Variants in GRM8 observed in about 807,000 individuals in gnomAD.
GRM8 encodes the protein metabotropic glutamate receptor 8.
In GRM8, 47 loss-of-function variants were observed where a neutral mutation model predicts 87.2. The observed-to-expected ratio is 0.54, with a 90% confidence interval of 0.43 to 0.69. GRM8 has a LOEUF of 0.69. GRM8 is among the 30% of genes least tolerant of loss of function. GRM8 has a pLI of 0.00. For synonymous variants in GRM8, 396 were observed against 404.5 expected, an observed-to-expected ratio of 0.98 and a Z score of 0.25; for missense variants, 1,019 against 1,139.2, an observed-to-expected ratio of 0.89 and a Z score of 1.52.
At chr7:126,749,934 C>CTT in intron 7 of GRM8, among the ~76,000 whole-genome samples, 1 of 152,292 alleles carries the variant, frequency 6.6e-6, no homozygotes, top group South Asian at 2.1e-4. Context: ...GTTTGTCAGT[C>CTT]TCTCGTACAG....
chr7:127,208,744 T>C (rs17866447), intron 2 of GRM8, among the ~76,000 whole-genome samples: 1 of 152,192 alleles, frequency 6.6e-6, no homozygotes, highest in Non-Finnish European at 1.5e-5. Context: ...CTCTAACCAC[T>C]TGATTCGGTA....
intron 8 of GRM8, among the ~76,000 whole-genome samples, chr7:126,563,199 G>A (rs987136140): frequency 1.3e-5 from 2 of 151,680 alleles, no homozygotes; most frequent in Non-Finnish European, 2.9e-5. Context: ...GGTGATTTAC[G>A]GCATCAACAG....
chr7:126,472,108 A>G (rs1422198070), intron 9 of GRM8, among the ~76,000 whole-genome samples: 1 of 152,164 alleles, frequency 6.6e-6, no homozygotes, highest in African/African-American at 2.4e-5. Context: ...GGGGTTTTCT[A>G]GATATACAAT....
chr7:126,765,168 C>T (rs1285810899), intron 7 of GRM8, among the ~76,000 whole-genome samples: 1 of 151,880 alleles, frequency 6.6e-6, no homozygotes, highest in Non-Finnish European at 1.5e-5. Flanking sequence ...ATAGCTAAAC[C>T]CTGGAAATGG....
chr7:127,108,773 T>C (rs1826056842), intron 2 of GRM8, among the ~76,000 whole-genome samples: 1 of 152,160 alleles, frequency 6.6e-6, no homozygotes. Context: ...AAAATAAAAG[T>C]GCAGATAGAA....
chr7:126,714,275 C>T (rs570272351), intron 7 of GRM8, among the ~76,000 whole-genome samples: 269 of 113,892 alleles, frequency 2.4e-3, no homozygotes, highest in Non-Finnish European at 3.7e-3. Context: ...AAGACTCCAT[C>T]TCAAATAATA....
chr7:126,559,580 T>G (rs750983728), intron 8 of GRM8, among the ~76,000 whole-genome samples: 4 of 152,204 alleles, frequency 2.6e-5, no homozygotes, highest in African/African-American at 4.8e-5. Flanking sequence ...AATTCTTGAA[T>G]AGATCACATT....
At chr7:126,782,065 T>C (rs1176865031) in intron 6 of GRM8, among the ~76,000 whole-genome samples, 4 of 152,198 alleles carry the variant, frequency 2.6e-5, no homozygotes, top group Admixed American at 2.6e-4. Context: ...ATAAAATCAA[T>C]GTAGTTGGTC....
At chr7:127,062,756 A>G (rs185576177) in intron 3 of GRM8, among the ~76,000 whole-genome samples, 206 of 152,248 alleles carry the variant, frequency 1.4e-3, no homozygotes, top group African/African-American at 4.7e-3. Context: ...GTAATTGTCC[A>G]GAAATTTATC....
intron 6 of GRM8, among the ~76,000 whole-genome samples, chr7:126,815,292 A>G (rs1335014751): frequency 1.3e-5 from 2 of 152,164 alleles, no homozygotes; most frequent in East Asian, 1.9e-4. Context: ...TGACTCAAAT[A>G]CAAGTTCCAA....
At chr7:126,577,627 C>T (rs1795233543) in intron 8 of GRM8, among the ~76,000 whole-genome samples, 1 of 151,928 alleles carries the variant, frequency 6.6e-6, no homozygotes, top group African/African-American at 2.4e-5. Context: ...AACTCAGCTG[C>T]CTCATGGAAC....
In GRM8 at chr7:126,753,483, TACAC is replaced by T. The variant is rs1189311177; in HGVS notation, c.1357+16378_1357+16381del. Among the ~76,000 whole-genome samples the T allele has an allele frequency of 3.3e-5, 5 of 151,716 alleles. No individual in the cohort carries two copies. In the South Asian group the frequency reaches 8.3e-4, roughly 25 times the overall value. ...GTACACACAAATGTATATACACACA[TACAC>T]ACACATATTAAAACTAAAAGCATTA... is the stretch of plus-strand genomic sequence containing the variant. On this transcript the variant is annotated intron_variant, in intron 7 of 10. Transcript: ENST00000339582.
At chr7:127,085,042 C>G (rs1248743956) in intron 3 of GRM8, among the ~76,000 whole-genome samples, 3 of 152,144 alleles carry the variant, frequency 2.0e-5, no homozygotes, top group African/African-American at 7.2e-5. Context: ...CAATTCCCAC[C>G]TATGAGTGAG....
intron 6 of GRM8, among the ~76,000 whole-genome samples, chr7:126,855,571 G>T (rs1797601381): frequency 6.6e-6 from 1 of 151,618 alleles, no homozygotes; most frequent in Non-Finnish European, 1.5e-5. Context: ...TGCCTCTCAG[G>T]TTCAAGCAAT....
intron 9 of GRM8, among the ~76,000 whole-genome samples, chr7:126,461,065 T>C (rs1015780922): frequency 6.6e-6 from 1 of 151,342 alleles, no homozygotes; most frequent in African/African-American, 2.4e-5. Flanking sequence ...ATGTCCTGGG[T>C]TCAGATGACC....
chr7:126,548,168 G>C (rs1817377028), intron 8 of GRM8, among the ~76,000 whole-genome samples: 1 of 152,056 alleles, frequency 6.6e-6, no homozygotes, highest in Non-Finnish European at 1.5e-5. Flanking sequence ...GCCTGTCGTG[G>C]GGTGGAGGGA....
At chr7:127,022,029 C>T (rs1362987780) in intron 3 of GRM8, among the ~76,000 whole-genome samples, 1 of 152,084 alleles carries the variant, frequency 6.6e-6, no homozygotes, top group Non-Finnish European at 1.5e-5. Flanking sequence ...AATATTAAAA[C>T]TGCTCTTATC....
At chr7:126,718,787 T>C (rs1012527793) in intron 7 of GRM8, among the ~76,000 whole-genome samples, 2 of 152,206 alleles carry the variant, frequency 1.3e-5, no homozygotes, top group African/African-American at 4.8e-5. Flanking sequence ...CCACTTTCAC[T>C]TGGGCTCTCA....
intron 2 of GRM8, among the ~76,000 whole-genome samples, chr7:127,165,474 A>G (rs1793397326): frequency 6.6e-6 from 1 of 152,002 alleles, no homozygotes; most frequent in Non-Finnish European, 1.5e-5. Context: ...TCATCGGTGG[A>G]CAAGTTCACA....
Sources: gnomAD v4.1 joint callset for allele counts (sites outside exome capture counted in the v4.1 genomes callset) on GRCh38, gnomAD v4.1.1 for gene constraint, MANE v1.5 for transcripts, NCBI Gene and HGNC (gene_info 2026-07-23, HGNC 2026-07-21) for gene names.